The following TAOK3 variants were observed in gnomAD, a reference collection of about 807,000 sequenced individuals.
TAOK3 encodes the protein TAO kinase 3.
TAOK3 carries 40 observed loss-of-function variants against 120.4 expected under a neutral mutation model. That is an observed-to-expected ratio of 0.33 (90% CI 0.26 to 0.43). The LOEUF (loss-of-function observed/expected upper bound fraction) is 0.43. Among genes scored for constraint, TAOK3 ranks in the 20% least tolerant of loss-of-function variants. The probability of loss-of-function intolerance (pLI) is 1.00; values close to 1 mark genes in which losing one functional copy is unlikely to be tolerated. For missense variants in TAOK3, 821 were observed against 1,112.1 expected, an observed-to-expected ratio of 0.74 and a Z score of 3.72; for synonymous variants, 355 against 387.5, an observed-to-expected ratio of 0.92 and a Z score of 0.99.
chr12:118,217,810 T>C (rs2038988121), intron 9 of TAOK3, among the ~76,000 whole-genome samples: 1 of 71,954 alleles, frequency 1.4e-5, no homozygotes, highest in Non-Finnish European at 2.7e-5. Flanking sequence ...TGTGTGTGTG[T>C]GTATACATAT....
chr12:118,244,523 TTTTC>T (rs2140011477), intron 4 of TAOK3, among the ~76,000 whole-genome samples: 1 of 104,276 alleles, frequency 9.6e-6, no homozygotes, highest in Admixed American at 1.1e-4. Flanking sequence ...TTAATTTCTT[TTTTC>T]TTTTTCTTTT....
chr12:118,169,658 T>C (rs1203987717), intron 17 of TAOK3, among the ~76,000 whole-genome samples: 2 of 152,060 alleles, frequency 1.3e-5, no homozygotes, highest in Admixed American at 6.6e-5. Flanking sequence ...TCTCTGTTTC[T>C]ACCACATCTT....
At chr12:118,270,876 A>C (rs12425638) in intron 1 of TAOK3, among the ~76,000 whole-genome samples, 1 of 151,636 alleles carries the variant, frequency 6.6e-6, no homozygotes, top group African/African-American at 2.4e-5. Flanking sequence ...ATGGGGTTTC[A>C]CCATGTTAGC....
chr12:118,346,302 A>G (rs1309442042), intron 1 of TAOK3, among the ~76,000 whole-genome samples: 1 of 151,902 alleles, frequency 6.6e-6, no homozygotes, highest in Non-Finnish European at 1.5e-5. Flanking sequence ...CTAGTTGGAA[A>G]CTCCCAACAT....
intron 19 of TAOK3, 109 bp from the exon 20 acceptor site, chr12:118,152,518 G>T (rs1279271997): frequency 8.5e-7 from 1 of 1,171,058 alleles, no homozygotes; most frequent in Non-Finnish European, 1.2e-6. Flanking sequence ...ATTGAAATTG[G>T]TTGCCCCCTC....
At chr12:118,194,130 A>G (rs1044465357) in intron 13 of TAOK3, among the ~76,000 whole-genome samples, 1 of 152,188 alleles carries the variant, frequency 6.6e-6, no homozygotes, top group Non-Finnish European at 1.5e-5. Flanking sequence ...ACACATAAGC[A>G]CACCTTTACA....
rs368271489 is a variant in TAOK3, at chr12:118,286,522, G to A, written c.-193-19763C>T. On this transcript the variant is annotated intron_variant, in intron 1 of 20. Coordinates refer to ENST00000392533, the MANE Select transcript of TAOK3 (RefSeq NM_016281.4). Reference sequence around the variant, plus strand: ...GAAAAGCAAATCAAAACCACGACACGATTATCACCCTACTCCTGCAAGAAT... The same window carrying A: ...GAAAAGCAAATCAAAACCACGACACAATTATCACCCTACTCCTGCAAGAAT... Among the ~76,000 whole-genome samples, 25 of 150,966 alleles carry A rather than the reference G, an allele frequency of 1.7e-4. No homozygotes were observed. The East Asian group carries it at 3.5e-3, about 21-fold the overall frequency.
intron 15 of TAOK3, among the ~76,000 whole-genome samples, chr12:118,178,686 G>A (rs763817812): frequency 3.9e-5 from 6 of 152,182 alleles, no homozygotes; most frequent in Admixed American, 6.5e-5. Flanking sequence ...TTGAATTCTT[G>A]AACTCAAATG....
intron 3 of TAOK3, among the ~76,000 whole-genome samples, chr12:118,252,055 T>C (rs1183561668): frequency 2.0e-5 from 3 of 152,086 alleles, no homozygotes; most frequent in African/African-American, 7.2e-5. Flanking sequence ...TCTCCTGACC[T>C]CGTGATCCAC....
chr12:118,256,310 C>T (rs1026344919), intron 2 of TAOK3, among the ~76,000 whole-genome samples: 1 of 152,152 alleles, frequency 6.6e-6, no homozygotes, highest in Admixed American at 6.5e-5. Flanking sequence ...TCCAACACTG[C>T]TGGTAGCTGT....
In TAOK3 at chr12:118,160,939, T is replaced by G. The variant is rs576759221; in HGVS notation, c.2140-581A>C. Among the ~76,000 whole-genome samples, 12 of 152,322 alleles carry G rather than the reference T, an allele frequency of 7.9e-5. No homozygotes were observed. Among genetic ancestry groups the G allele is most frequent in the Admixed American group, 7.8e-4 (12 of 15,300 alleles). On this transcript the variant is annotated intron_variant, in intron 18 of 20. Coordinates refer to ENST00000392533, the MANE Select transcript of TAOK3 (RefSeq NM_016281.4). The surrounding 1 kb of genome is among the most constrained non-coding windows in gnomAD (Gnocchi z 4.2). ...TGAGAGAGAAAAGTGATTTAGAATT[T>G]TTTTCCCCATTAAGAGGTTGTGCTT...
chr12:118,265,879 G>C (rs2041426355), intron 2 of TAOK3, among the ~76,000 whole-genome samples: 1 of 152,108 alleles, frequency 6.6e-6, no homozygotes, highest in Non-Finnish European at 1.5e-5. Flanking sequence ...CTGAAGTTAG[G>C]TGTTGAAATT....
chr12:118,201,929 C>G (rs1366626980), intron 11 of TAOK3, among the ~76,000 whole-genome samples: 1 of 152,050 alleles, frequency 6.6e-6, no homozygotes, highest in Non-Finnish European at 1.5e-5. Flanking sequence ...TCCCACATAA[C>G]TAAAACTTTG....
At chr12:118,300,583 G>A (rs934049864) in intron 1 of TAOK3, among the ~76,000 whole-genome samples, 3 of 151,812 alleles carry the variant, frequency 2.0e-5, no homozygotes, top group Non-Finnish European at 2.9e-5. Context: ...ACACATGCAC[G>A]CACACACACT....
intron 12 of TAOK3, 46 bp downstream of exon 12, chr12:118,201,250 C>G (rs761836609): frequency 6.5e-7 from 1 of 1,548,640 alleles, no homozygotes; most frequent in African/African-American, 1.4e-5. Flanking sequence ...AACTTTTTCA[C>G]ATAGTGGGCA....
At position 118,292,902 on chromosome 12, in the gene TAOK3, G is replaced by A. The variant is rs953431599; in HGVS notation, c.-193-26143C>T. 1.3e-4 allele frequency among the ~76,000 whole-genome samples: 20 copies of A among 152,118 alleles called. No homozygotes were observed. The South Asian group carries it at 1.7e-3, about 13-fold the overall frequency. ...AATCTTTTCAAGTAATCCTGTAATG[G>A]GACTTTTGGGGATGCCTTTATACCC... is the stretch of plus-strand genomic sequence containing the variant. On this transcript the variant is annotated intron_variant, in intron 1 of 20. Coordinates refer to ENST00000392533, the MANE Select transcript of TAOK3 (RefSeq NM_016281.4).
At chr12:118,207,858 T>TCTCACA (rs147799225) in intron 11 of TAOK3, among the ~76,000 whole-genome samples, 6 of 144,448 alleles carry the variant, frequency 4.2e-5, no homozygotes, top group Non-Finnish European at 6.0e-5. Context: ...AGACTCTGTC[T>TCTCACA]CACACACACA....
chr12:118,333,864 G>A (rs2044251172), intron 1 of TAOK3, among the ~76,000 whole-genome samples: 5 of 151,622 alleles, frequency 3.3e-5, no homozygotes, highest in Admixed American at 3.3e-4. Context: ...GGCTGGGTGT[G>A]GAGGCTCACG....
At chr12:118,219,039 A>C (rs2039087176) in intron 9 of TAOK3, among the ~76,000 whole-genome samples, 1 of 152,210 alleles carries the variant, frequency 6.6e-6, no homozygotes, top group South Asian at 2.1e-4. Flanking sequence ...TCTTAGGCCA[A>C]AGTCCAAATC....
Sources: gnomAD v4.1 joint callset for allele counts (sites outside exome capture counted in the v4.1 genomes callset) on GRCh38, gnomAD v4.1.1 for gene constraint, Gnocchi (gnomAD v3.1) non-coding constraint, MANE v1.5 for transcripts, NCBI Gene and HGNC (gene_info 2026-07-23, HGNC 2026-07-21) for gene names.